ACTR1A: variants seen among roughly 807,000 people sequenced by gnomAD.
ACTR1A encodes actin related protein 1A.
In ACTR1A, 10 loss-of-function variants were observed where a neutral mutation model predicts 50.7. The observed-to-expected ratio is 0.20, with a 90% CI of 0.12 to 0.33. The LOEUF is 0.33. ACTR1A is among the 10% of genes least tolerant of loss of function. The pLI is 1.00. For synonymous variants in ACTR1A, 177 were observed against 184.2 expected (o/e 0.96, Z 0.32); for missense variants, 253 against 491.7 (o/e 0.51, Z 4.59).
chr10:102,501,485 A>G (rs779461640), intron 1 of ACTR1A, among the ~76,000 whole-genome samples: 5 of 152,236 alleles, frequency 3.3e-5, no homozygotes, highest in Non-Finnish European at 5.9e-5. Flanking sequence ...ACAGGGATCA[A>G]TCTCTGTGGG....
intron 1 of ACTR1A, among the ~76,000 whole-genome samples, chr10:102,493,001 C>CAAAAA (rs398014648): frequency 9.0e-4 from 44 of 48,798 alleles, no homozygotes; most frequent in South Asian, 5.3e-3. Context: ...GACTCCACCT[C>CAAAAA]AAAAAAAAAA....
intron 1 of ACTR1A, among the ~76,000 whole-genome samples, chr10:102,495,927 A>C (rs994872606): frequency 1.3e-5 from 2 of 149,306 alleles, no homozygotes; most frequent in East Asian, 4.0e-4. Flanking sequence ...ACACCTGGCT[A>C]ATTTTTTTGT....
chr10:102,481,949 C>T (rs1019416216), intron 8 of ACTR1A, 51 bp from the exon 9 acceptor site: 2 of 1,613,648 alleles, frequency 1.2e-6, no homozygotes, highest in Non-Finnish European at 8.5e-7. Context: ...GTGCCTGGAG[C>T]CAGCAGGAGC....
At position 102,482,398 on chromosome 10, in the gene ACTR1A, C is replaced by T; in HGVS notation, c.751-223G>A. 1.7e-6 allele frequency: 1 copy of T among 581,206 alleles called. No homozygotes were observed. Among genetic ancestry groups the T allele is most frequent in the Admixed American group, 3.1e-5 (1 of 32,616 alleles). 36.0% of individuals were successfully genotyped at this position (581,206 alleles called of 1,614,324 possible). A position where few individuals can be genotyped will look rare whatever the true frequency, so the allele number is the denominator to read the frequency against. On this transcript the variant is annotated intron_variant, in intron 7 of 10. Coordinates refer to ENST00000369905, the MANE Select transcript of ACTR1A (RefSeq NM_005736.4). This position sits in a 1 kb window ranked among gnomAD's most constrained non-coding sequence, Gnocchi z 5.6. ...ATTTCCTTCTCGCTCTGGCATTTTC[C>T]AGCCAAGAGGTCTTTGGCATCAGTA...
At chr10:102,490,006 C>G (rs1181710796) in intron 2 of ACTR1A, among the ~76,000 whole-genome samples, 1 of 152,102 alleles carries the variant, frequency 6.6e-6, no homozygotes, top group South Asian at 2.1e-4. Flanking sequence ...GAGGCCGAGG[C>G]AGGCAGACCA....
chr10:102,499,810 A>C (rs1452126463), intron 1 of ACTR1A, among the ~76,000 whole-genome samples: 5 of 152,244 alleles, frequency 3.3e-5, no homozygotes, highest in Non-Finnish European at 7.3e-5. Context: ...ATCAAGAACA[A>C]AAAGTCCTAC....
chr10:102,492,062 G>A (rs2062197275), intron 1 of ACTR1A, among the ~76,000 whole-genome samples: 1 of 113,028 alleles, frequency 8.8e-6, no homozygotes, highest in East Asian at 2.8e-4. Flanking sequence ...AGCCCACCGT[G>A]CCCGGCCTTT....
chr10:102,492,015 C>T (rs1362784531), intron 1 of ACTR1A, among the ~76,000 whole-genome samples: 7 of 150,256 alleles, frequency 4.7e-5, no homozygotes, highest in South Asian at 2.1e-4. Flanking sequence ...GTGATCCGCC[C>T]GCCTTGGCCT....
chr10:102,486,740 A>G (rs1430274990), intron 4 of ACTR1A, among the ~76,000 whole-genome samples: 1 of 150,474 alleles, frequency 6.6e-6, no homozygotes, highest in East Asian at 1.9e-4. Flanking sequence ...TCCCACCTGC[A>G]CCTGGAAATT....
At chr10:102,489,791 G>A (rs1189492004) in intron 2 of ACTR1A, among the ~76,000 whole-genome samples, 1 of 152,168 alleles carries the variant, frequency 6.6e-6, no homozygotes, top group African/African-American at 2.4e-5. Flanking sequence ...TCCAGCCTGG[G>A]CTACAGAATG....
intron 1 of ACTR1A, among the ~76,000 whole-genome samples, chr10:102,491,178 G>A (rs1023644000): frequency 5.9e-5 from 9 of 152,026 alleles, no homozygotes; most frequent in African/African-American, 1.7e-4. Flanking sequence ...GTTTTGCTTT[G>A]GGAATTAAAA....
At chr10:102,493,648 G>A (rs2062206034) in intron 1 of ACTR1A, among the ~76,000 whole-genome samples, 1 of 152,148 alleles carries the variant, frequency 6.6e-6, no homozygotes. Flanking sequence ...TCCATTACCT[G>A]TACCACGAGG....
intron 1 of ACTR1A, among the ~76,000 whole-genome samples, chr10:102,494,392 G>A (rs1346262745): frequency 6.6e-6 from 1 of 152,206 alleles, no homozygotes; most frequent in Non-Finnish European, 1.5e-5. Flanking sequence ...TAGCTACTTG[G>A]GAGGCTGAGC....
chr10:102,500,354 G>A (rs2062242778), intron 1 of ACTR1A, among the ~76,000 whole-genome samples: 2 of 151,744 alleles, frequency 1.3e-5, no homozygotes, highest in African/African-American at 4.8e-5. Flanking sequence ...CGGATCACGA[G>A]GTCAGGAGAT....
chr10:102,495,189 G>T (rs750517808), intron 1 of ACTR1A, among the ~76,000 whole-genome samples: 23 of 151,874 alleles, frequency 1.5e-4, no homozygotes, highest in Non-Finnish European at 2.6e-4. Flanking sequence ...AGCCCAAGAG[G>T]TCAGGGCTGC....
intron 1 of ACTR1A, among the ~76,000 whole-genome samples, chr10:102,494,583 T>C (rs1021629408): frequency 2.6e-5 from 4 of 152,148 alleles, no homozygotes; most frequent in Non-Finnish European, 4.4e-5. Flanking sequence ...CAAGCTGTAA[T>C]TGCACTGCTG....
At chr10:102,502,053 G>C (rs147085450) in intron 1 of ACTR1A, among the ~76,000 whole-genome samples, 368 of 152,290 alleles carry the variant, frequency 2.4e-3, no homozygotes, top group Middle Eastern at 0.014. Flanking sequence ...AAACTTAGCC[G>C]TTCTCCACCC....
chr10:102,495,755 ATTTTTTTT>A (rs79530206), intron 1 of ACTR1A, among the ~76,000 whole-genome samples: 43 of 99,570 alleles, frequency 4.3e-4, no homozygotes, highest in East Asian at 1.0e-3. Context: ...TAAATACACA[ATTTTTTTT>A]TTTTTTTTTT....
At chr10:102,487,631 C>CTTTTT (rs145832320) in intron 4 of ACTR1A, among the ~76,000 whole-genome samples, 3 of 117,028 alleles carry the variant, frequency 2.6e-5, no homozygotes, top group African/African-American at 3.2e-5. Context: ...CTTGGCTTTT[C>CTTTTT]TTTTTTTTTT....
Sources: gnomAD v4.1 joint callset for allele counts (sites outside exome capture counted in the v4.1 genomes callset) on GRCh38, gnomAD v4.1.1 for gene constraint, Gnocchi (gnomAD v3.1) non-coding constraint, MANE v1.5 for transcripts, NCBI Gene and HGNC (gene_info 2026-07-23, HGNC 2026-07-21) for gene names.